The following ZNF512 variants were observed in gnomAD, a reference collection of about 807,000 sequenced individuals.
The protein encoded by ZNF512 is zinc finger protein 512.
A neutral mutation model predicts 77.5 loss-of-function variants in ZNF512; 25 were observed. The ratio of observed to expected loss-of-function variants is 0.32; its 90% confidence interval spans 0.23 to 0.45. ZNF512 has a LOEUF of 0.45. Among genes scored for constraint, ZNF512 ranks in the 20% least tolerant of loss-of-function variants. The pLI is 1.00. For synonymous variants in ZNF512, 246 were observed against 239.9 expected (o/e 1.03, Z -0.24); for missense variants, 483 against 692.6 (o/e 0.70, Z 3.40).
intron 9 of ZNF512, among the ~76,000 whole-genome samples, chr2:27,606,131 G>A (rs1207361551): frequency 1.3e-5 from 2 of 152,274 alleles, no homozygotes; most frequent in East Asian, 1.9e-4. Context: ...TTAATGAAGT[G>A]TCTGTTCAAA....
rs770727741 is a variant in ZNF512, at chr2:27,616,375, G to C, written c.1296+51G>C. ...CTTAACATGTCCTCTAAAATAGTCTGACATGGAAGAGAATTCAGTTTAGGT... is the reference window on the plus strand; with the variant it reads ...CTTAACATGTCCTCTAAAATAGTCTCACATGGAAGAGAATTCAGTTTAGGT... On this transcript the variant is annotated intron_variant, in intron 12 of 13. Transcript: ENST00000355467. 3 of 1,414,684 alleles carry C rather than the reference G, an allele frequency of 2.1e-6. No individual in the cohort carries two copies. In the East Asian group the frequency reaches 6.8e-5, roughly 32 times the overall value. The allele number at this position is 1,414,684 out of a possible 1,614,324, so 87.6% of individuals were successfully genotyped here.
At chr2:27,607,334 CTT>C (rs1411010250) in intron 9 of ZNF512, among the ~76,000 whole-genome samples, 6 of 147,778 alleles carry the variant, frequency 4.1e-5, no homozygotes, top group African/African-American at 4.9e-5. Context: ...AGATTTGTCT[CTT>C]TGTATACGAA....
chr2:27,613,172 A>ATTTTTTTTTTTTTTTTT, intron 10 of ZNF512, among the ~76,000 whole-genome samples: 1 of 152,060 alleles, frequency 6.6e-6, no homozygotes, highest in East Asian at 1.9e-4. Context: ...ACTACAGATA[A>ATTTTTTTTTTTTTTTTT]TTTTTTTGAT....
In ZNF512 at chr2:27,584,543, T is replaced by C. The variant is rs138026964; in HGVS notation, c.89+827T>C. ...ACAACTAGCAGTCTAGAAGGGGAGA[T>C]AGGCAAGTAGGTCAACACAGTTCAT... On this transcript the variant is annotated intron_variant, in intron 2 of 13. Coordinates refer to ENST00000355467, the MANE Select transcript of ZNF512 (RefSeq NM_032434.4). Among the ~76,000 whole-genome samples the C allele has an allele frequency of 4.9e-3, 742 of 152,292 alleles. 4 individuals are homozygous for C. The highest frequency in any genetic ancestry group is 0.017 in the African/African-American group (719 of 41,560).
intron 9 of ZNF512, 74 bp downstream of exon 9, chr2:27,603,381 A>G: frequency 2.0e-6 from 3 of 1,499,736 alleles, no homozygotes; most frequent in Admixed American, 1.8e-5. Flanking sequence ...CTATCTTCCC[A>G]TATGTGTTTG....
chr2:27,588,799 C>T (rs940959181), intron 2 of ZNF512, among the ~76,000 whole-genome samples: 1 of 150,048 alleles, frequency 6.7e-6, no homozygotes, highest in African/African-American at 2.4e-5. Flanking sequence ...CTATAGATTC[C>T]GTTGGGGAAA....
At chr2:27,597,324 G>A (rs1277955325) in intron 2 of ZNF512, among the ~76,000 whole-genome samples, 1 of 152,180 alleles carries the variant, frequency 6.6e-6, no homozygotes, top group Non-Finnish European at 1.5e-5. Context: ...AGGCCTCACA[G>A]GTATTTAGCT....
chr2:27,606,845 G>T lies in ZNF512; in HGVS notation c.937-1000G>T, dbSNP rs186647570. On this transcript the variant is annotated intron_variant, in intron 9 of 13. Transcript: ENST00000355467. ...TCGGTAGGGCTGTTCTTTTTTAGAG[G>T]CTCTAGTGAGAGAACATGTTTCTAG... is the stretch of plus-strand genomic sequence containing the variant. Among the ~76,000 whole-genome samples, 75 of 152,292 alleles carry T rather than the reference G, an allele frequency of 4.9e-4. No individual in the cohort carries two copies. In the East Asian group the frequency reaches 0.014, roughly 28 times the overall value.
chr2:27,608,221 A>G (rs1458602059), intron 10 of ZNF512, among the ~76,000 whole-genome samples, 182 bp downstream of exon 10: 1 of 152,198 alleles, frequency 6.6e-6, no homozygotes, highest in East Asian at 1.9e-4. Context: ...CTAGAGTGAC[A>G]GTCTGTTTCA....
chr2:27,603,259 T>C lies in ZNF512; in HGVS notation c.888T>C (p.Tyr296=). The C allele has an allele frequency of 6.2e-7, 1 of 1,614,002 alleles. No homozygotes were observed. Among genetic ancestry groups the C allele is most frequent in the Non-Finnish European group, 8.5e-7 (1 of 1,179,948 alleles). The change falls in exon 9 of 14, where the codon TAT becomes TAC. Residue 296 remains tyrosine (Y), a synonymous_variant. Coordinates refer to ENST00000355467, the MANE Select transcript of ZNF512 (RefSeq NM_032434.4). ...TLKCHHCGKP[Y]RSKAGLAYHL... Reference sequence around the variant, plus strand: ...AATGTCACCACTGTGGAAAACCATATAGGTCGAAGGCTGGACTTGCATATC... The same window carrying C: ...AATGTCACCACTGTGGAAAACCATACAGGTCGAAGGCTGGACTTGCATATC...
At chr2:27,594,019 A>G (rs932697802) in intron 2 of ZNF512, among the ~76,000 whole-genome samples, 2 of 152,200 alleles carry the variant, frequency 1.3e-5, no homozygotes, top group Admixed American at 6.5e-5. Flanking sequence ...CATCATCATC[A>G]TGGCCCATTC....
At chr2:27,613,941 T>C (rs1572933877) in intron 10 of ZNF512, among the ~76,000 whole-genome samples, 1 of 152,200 alleles carries the variant, frequency 6.6e-6, no homozygotes, top group East Asian at 1.9e-4. Flanking sequence ...TAATTATATT[T>C]ATATAAACTA....
rs111499267 is a variant in ZNF512 at position 27,608,900 on chromosome 2, A to G, written c.1131+861A>G. ...CTGAGGTGGGTGTATCATGAGGTCA[A>G]GAGATCGAGACCATCCTGGCCAACA... is the stretch of plus-strand genomic sequence containing the variant. On this transcript the variant is annotated intron_variant, in intron 10 of 13. Transcript: ENST00000355467. 7.3e-3 allele frequency among the ~76,000 whole-genome samples: 1,108 copies of G among 151,548 alleles called. 14 individuals carry two copies. Among genetic ancestry groups the G allele is most frequent in the African/African-American group, 0.025 (1,051 of 41,278 alleles).
At chr2:27,614,952 G>A (rs1407489411) in intron 10 of ZNF512, among the ~76,000 whole-genome samples, 2 of 151,138 alleles carry the variant, frequency 1.3e-5, no homozygotes, top group East Asian at 3.9e-4. Context: ...TGAGTCTCTT[G>A]TCCTCTGTTA....
chr2:27,594,109 G>A (rs537374599), intron 2 of ZNF512, among the ~76,000 whole-genome samples: 7 of 152,352 alleles, frequency 4.6e-5, no homozygotes, highest in East Asian at 1.9e-4. Flanking sequence ...ATTGCACAGC[G>A]GCCAGTCAGA....
At chr2:27,594,409 C>T (rs1408197851) in intron 2 of ZNF512, among the ~76,000 whole-genome samples, 1 of 140,112 alleles carries the variant, frequency 7.1e-6, no homozygotes, top group African/African-American at 2.7e-5. Context: ...TCCTCACCTC[C>T]CAGACGGGGT....
intron 2 of ZNF512, among the ~76,000 whole-genome samples, chr2:27,593,816 A>T (rs1432861488): frequency 6.7e-6 from 1 of 148,172 alleles, no homozygotes; most frequent in Non-Finnish European, 1.5e-5. Context: ...CTGAGTTGAC[A>T]CAGCACATGT....
chr2:27,603,597 T>A (rs1163626377), intron 9 of ZNF512, among the ~76,000 whole-genome samples: 1,588 of 146,948 alleles, frequency 0.011, 35 homozygotes, highest in African/African-American at 0.037. Flanking sequence ...TATATTTTTT[T>A]TTTTTTTTTT....
At chr2:27,603,101 G>A in intron 8 of ZNF512, 39 bp from the exon 9 acceptor site, 2 of 1,605,998 alleles carry the variant, frequency 1.2e-6, no homozygotes, top group Non-Finnish European at 1.7e-6. Context: ...CATGTCAAAA[G>A]ATGTAAGATT....
Sources: allele counts gnomAD v4.1 joint callset (sites outside exome capture counted in the v4.1 genomes callset), GRCh38; gene constraint gnomAD v4.1.1; transcripts MANE v1.5; gene names NCBI Gene and HGNC (gene_info 2026-07-23, HGNC 2026-07-21).